Variants in ZEB1 observed in about 807,000 individuals in gnomAD.
The protein encoded by ZEB1 is zinc finger E-box binding homeobox 1, also known as zinc finger E-box-binding homeobox 1.
In ZEB1, 21 loss-of-function variants were observed where a neutral mutation model predicts 84.9. That is an observed-to-expected ratio of 0.25 (90% CI 0.18 to 0.36). The LOEUF is 0.36. Among genes scored for constraint, ZEB1 ranks in the 10% least tolerant of loss-of-function variants. ZEB1 has a pLI of 1.00. For synonymous variants in ZEB1, 420 were observed against 471.1 expected (o/e 0.89, Z 1.41); for missense variants, 1,104 against 1,330.2 (o/e 0.83, Z 2.65).
upstream of ZEB1, chr10:31,319,193 G>GGGAGGA (rs2032950102): frequency 1.6e-5 from 24 of 1,507,582 alleles, no homozygotes; most frequent in East Asian, 4.0e-4. Context: ...GGGAGGGAGG[G>GGGAGGA]GGAGGAGGTG....
intron 1 of ZEB1, chr10:31,321,567 C>T: frequency 6.2e-7 from 1 of 1,613,970 alleles, no homozygotes; most frequent in African/African-American, 1.3e-5. Context: ...TCGCTTTTTA[C>T]CTTATTTAAA....
rs1261337104 is a variant in ZEB1, at chr10:31,451,892, T to G, written c.59-9145T>G. ...AGTAACAAAGAAATCCTACGAATCCTTAGTAACTTTCATGTAATGAGAGAC... is the reference window on the plus strand; with the variant it reads ...AGTAACAAAGAAATCCTACGAATCCGTAGTAACTTTCATGTAATGAGAGAC... On this transcript the variant is annotated intron_variant, in intron 1 of 8. Coordinates refer to ENST00000424869, the MANE Select transcript of ZEB1 (RefSeq NM_001174096.2). Among the ~76,000 whole-genome samples the G allele has an allele frequency of 3.9e-5, 6 of 152,260 alleles. No individual in the cohort carries two copies. The East Asian group carries it at 1.2e-3, about 29-fold the overall frequency.
chr10:31,376,415 A>T (rs927770112), intron 1 of ZEB1, among the ~76,000 whole-genome samples: 3 of 151,798 alleles, frequency 2.0e-5, no homozygotes, highest in Non-Finnish European at 4.4e-5. Context: ...TATTTGTATA[A>T]CTTATTTAAA....
chr10:31,363,446 A>G (rs1417231812), intron 1 of ZEB1: 1 of 1,533,894 alleles, frequency 6.5e-7, no homozygotes, highest in African/African-American at 1.4e-5. Flanking sequence ...CTGGGATTGT[A>G]CCAGGAAGAA....
chr10:31,446,672 C>T (rs1248695658), intron 1 of ZEB1, among the ~76,000 whole-genome samples: 1 of 151,952 alleles, frequency 6.6e-6, no homozygotes, highest in East Asian at 1.9e-4. Context: ...CGTTAGGTAC[C>T]CAGTAGTCAT....
At chr10:31,439,832 G>A (rs2058710260) in intron 1 of ZEB1, among the ~76,000 whole-genome samples, 1 of 152,178 alleles carries the variant, frequency 6.6e-6, no homozygotes, top group Non-Finnish European at 1.5e-5. Context: ...CAAAGTCTGA[G>A]AGAGACAGGT....
At chr10:31,381,078 A>G (rs753274915) in intron 1 of ZEB1, among the ~76,000 whole-genome samples, 51 of 152,206 alleles carry the variant, frequency 3.4e-4, no homozygotes, top group Non-Finnish European at 7.1e-4. Flanking sequence ...ATAAATGGTG[A>G]TAAACTTAAA....
chr10:31,350,727 G>T (rs926217076), intron 1 of ZEB1, among the ~76,000 whole-genome samples: 5 of 151,942 alleles, frequency 3.3e-5, no homozygotes, highest in African/African-American at 1.2e-4. Context: ...TATTATCTGG[G>T]GTTTTTTTTG....
Position 31,367,119 on chromosome 10 carries a change from A to G in ZEB1, c.58+47827A>G, listed in dbSNP as rs766189788. Among the ~76,000 whole-genome samples, 50 of 152,290 alleles carry G rather than the reference A, an allele frequency of 3.3e-4. 2 individuals carry two copies. The Middle Eastern group carries it at 0.014, about 41-fold the overall frequency. On this transcript the variant is annotated intron_variant, in intron 1 of 8. Coordinates refer to ENST00000424869, the MANE Select transcript of ZEB1 (RefSeq NM_001174096.2). ...TGAGTAGTAGGGTCATTGGAAAGCA[A>G]CCACTGGGTTTGGGGATAAGTTGTG...
At chr10:31,443,092 A>G (rs1252774773) in intron 1 of ZEB1, among the ~76,000 whole-genome samples, 2 of 152,198 alleles carry the variant, frequency 1.3e-5, no homozygotes, top group East Asian at 3.8e-4. Flanking sequence ...GTGAGAAGTG[A>G]TTATAAAAAT....
intron 1 of ZEB1, among the ~76,000 whole-genome samples, chr10:31,453,423 G>A (rs1175683374): frequency 1.3e-5 from 2 of 152,112 alleles, no homozygotes; most frequent in South Asian, 2.1e-4. Context: ...GCATTTAGGT[G>A]ATCTTGCTTT....
rs2073551687 is a variant in ZEB1 at position 31,526,896 on chromosome 10, C to T, written c.3010C>T (p.Pro1004Ser). The T allele has an allele frequency of 6.2e-7, 1 of 1,614,114 alleles. No individual in the cohort carries two copies. The highest frequency in any genetic ancestry group is 2.2e-5 in the East Asian group (1 of 44,842). ...RDSTEQEEAGPEILSNEHVGA... is the reference protein window; with the variant it reads ...RDSTEQEEAGSEILSNEHVGA... Reference sequence around the variant, plus strand: ...CAGCACAGAGCAGGAAGAGGCAGGGCCTGAAATCCTCTCGAATGAGCACGT... The same window carrying T: ...CAGCACAGAGCAGGAAGAGGCAGGGTCTGAAATCCTCTCGAATGAGCACGT... The change falls in exon 9 of 9, where the codon CCT becomes TCT. Residue 1004 changes from proline to serine, a missense_variant. Pro to Ser is a moderately conservative substitution (Grantham distance 74). Around this residue, in one of 7 missense-constraint regions of ZEB1, gnomAD observed 173 missense variants for 167.0 expected, o/e 1.04. Coordinates refer to ENST00000424869, the MANE Select transcript of ZEB1 (RefSeq NM_001174096.2).
At chr10:31,474,506 A>G (rs1418894000) in intron 2 of ZEB1, among the ~76,000 whole-genome samples, 11 of 152,276 alleles carry the variant, frequency 7.2e-5, no homozygotes, top group East Asian at 1.9e-4. Flanking sequence ...CAAAACCACA[A>G]TGAGATACCA....
At chr10:31,321,381 A>G in intron 1 of ZEB1, 2 of 1,558,734 alleles carry the variant, frequency 1.3e-6, no homozygotes, top group South Asian at 2.4e-5. Context: ...TATAAACGAA[A>G]GGTATTTTGG....
chr10:31,321,048 C>A, intron 1 of ZEB1: 1 of 730,630 alleles, frequency 1.4e-6, no homozygotes, highest in Non-Finnish European at 1.7e-6. Flanking sequence ...AATGGGACCG[C>A]TGCAGCGTCG....
chr10:31,427,738 A>T (rs534339599), intron 1 of ZEB1, among the ~76,000 whole-genome samples: 1 of 152,180 alleles, frequency 6.6e-6, no homozygotes, highest in East Asian at 1.9e-4. Context: ...GGGCGCCTGT[A>T]GTCCCAGCTA....
chr10:31,347,995 G>C (rs577842977), intron 1 of ZEB1, among the ~76,000 whole-genome samples: 9 of 152,284 alleles, frequency 5.9e-5, no homozygotes, highest in Admixed American at 5.2e-4. Context: ...TTTAATCTTT[G>C]CTGTGCCACA....
rs540590868 is a variant in ZEB1, at chr10:31,349,077, C to T, written c.58+29785C>T. Reference sequence around the variant, plus strand: ...TCCTTTGACCAACATTTCCCCACCCCTTCTACACCCCAGCCTCTGGTTACC... The same window carrying T: ...TCCTTTGACCAACATTTCCCCACCCTTTCTACACCCCAGCCTCTGGTTACC... On this transcript the variant is annotated intron_variant, in intron 1 of 8. Coordinates refer to ENST00000424869, the MANE Select transcript of ZEB1 (RefSeq NM_001174096.2). Among the ~76,000 whole-genome samples, 4 of 152,132 alleles carry T rather than the reference C, an allele frequency of 2.6e-5. No homozygotes were observed. In the East Asian group the frequency reaches 7.7e-4, roughly 29 times the overall value.
chr10:31,326,666 G>A (rs1215040298), intron 1 of ZEB1, among the ~76,000 whole-genome samples: 1 of 152,046 alleles, frequency 6.6e-6, no homozygotes, highest in Non-Finnish European at 1.5e-5. Context: ...TTTTCATTAG[G>A]TCATTTGAGC....
Sources: gnomAD v4.1 joint callset for allele counts (sites outside exome capture counted in the v4.1 genomes callset) on GRCh38, gnomAD v4.1.1 for gene constraint, gnomAD v4.1.1 regional missense constraint, MANE v1.5 for transcripts, NCBI Gene and HGNC (gene_info 2026-07-23, HGNC 2026-07-21) for gene names.